The following DIXDC1 variants were observed in gnomAD, a reference collection of about 807,000 sequenced individuals.
DIXDC1 encodes DIX domain containing 1.
A neutral mutation model predicts 103.1 loss-of-function variants in DIXDC1; 64 were observed. The ratio of observed to expected loss-of-function variants is 0.62; its 90% confidence interval spans 0.51 to 0.76. The LOEUF (loss-of-function observed/expected upper bound fraction) is 0.76, where lower values mean the gene tolerates loss of function less well. Ranked by LOEUF, DIXDC1 falls within the 30% of genes least tolerant of loss-of-function variation. The pLI is 0.00. For synonymous variants in DIXDC1, 266 were observed against 298.5 expected (o/e 0.89, Z 1.12); for missense variants, 759 against 834.2 (o/e 0.91, Z 1.11).
chr11:112,010,377 C>T (rs1333796203), intron 17 of DIXDC1, among the ~76,000 whole-genome samples: 3 of 152,276 alleles, frequency 2.0e-5, no homozygotes, highest in South Asian at 2.1e-4. Context: ...GGCCACACTG[C>T]CCAAGGTAAT....
chr11:111,953,809 T>C (rs966419903), intron 1 of DIXDC1, among the ~76,000 whole-genome samples: 5 of 152,234 alleles, frequency 3.3e-5, no homozygotes, highest in African/African-American at 7.2e-5. Flanking sequence ...GGCTGTGTAC[T>C]GTAAGGCTAA....
At chr11:111,983,280 G>A (rs916709954) in intron 7 of DIXDC1, among the ~76,000 whole-genome samples, 3 of 152,330 alleles carry the variant, frequency 2.0e-5, no homozygotes, top group East Asian at 1.9e-4. Context: ...TCTGGCAGCC[G>A]GCAGGCGGTG....
At chr11:111,969,077 G>A (rs1046674918) in intron 3 of DIXDC1, among the ~76,000 whole-genome samples, 2 of 151,778 alleles carry the variant, frequency 1.3e-5, no homozygotes, top group African/African-American at 4.8e-5. Flanking sequence ...TTGTGCCCGG[G>A]CATTCATTTT....
At chr11:111,951,821 A>G (rs1213955287) in intron 1 of DIXDC1, among the ~76,000 whole-genome samples, 2 of 151,398 alleles carry the variant, frequency 1.3e-5, no homozygotes, top group Non-Finnish European at 2.9e-5. Context: ...GCCTTCTGCC[A>G]TGATTGTGAG....
rs1221666046 is a variant in DIXDC1 at position 111,966,397 on chromosome 11, A to ATTTTTTTTTTTTT, written c.190+1731_190+1743dup. On this transcript the variant is annotated intron_variant, in intron 2 of 19. Coordinates refer to ENST00000440460, the MANE Select transcript of DIXDC1 (RefSeq NM_001037954.4). The stretch of plus-strand genomic sequence containing the variant: ...ACCACCACGCCAAGCTAATTTTTGT[A>ATTTTTTTTTTTTT]TTTTTTTTTTTTTTTTTTTTTTTTG... 1.9e-4 allele frequency among the ~76,000 whole-genome samples: 11 copies of ATTTTTTTTTTTTT among 58,708 alleles called. 1 individual carries two copies. The highest frequency in any genetic ancestry group is 5.8e-4 in the African/African-American group (9 of 15,646). The allele number at this position is 58,708 out of a possible 152,430, so 38.5% of individuals were successfully genotyped here.
upstream of DIXDC1, among the ~76,000 whole-genome samples, chr11:111,936,120 AGT>A (rs1441571755): frequency 6.6e-6 from 1 of 152,230 alleles, no homozygotes; most frequent in Non-Finnish European, 1.5e-5. Context: ...GAAAATCATA[AGT>A]GTAGACTCCT....
In DIXDC1 at chr11:111,995,424, C is replaced by G. The variant is rs587602428; in HGVS notation, c.1549C>G (p.Arg517Gly). ...NRGTSDLQLV[R>G]DALRSLRNSF... The stretch of plus-strand genomic sequence containing the variant: ...ACAGACCAGCGACCTGCAGCTTGTT[C>G]GAGATGCTCTCCGCAGCCTGCGCAA... The change falls in exon 16 of 20, where the codon CGA (arginine) becomes GGA (glycine). Residue 517 changes from arginine (R) to glycine (G), a missense_variant. Transcript: ENST00000440460. The G allele has an allele frequency of 1.9e-6, 3 of 1,612,964 alleles. No individual in the cohort carries two copies. Among genetic ancestry groups the G allele is most frequent in the South Asian group, 1.1e-5 (1 of 91,034 alleles).
In DIXDC1 at chr11:111,997,665, T is replaced by A. The variant is rs181930043; in HGVS notation, c.1756+1519T>A. Among the ~76,000 whole-genome samples, 164 of 152,358 alleles carry A rather than the reference T, an allele frequency of 1.1e-3. 2 individuals carry two copies. Among genetic ancestry groups the A allele is most frequent in the Non-Finnish European group, 3.5e-4 (24 of 68,038 alleles). On this transcript the variant is annotated intron_variant, in intron 17 of 19. Transcript: ENST00000440460. The stretch of plus-strand genomic sequence containing the variant: ...ATTTTATTCATTGATTTCTTCAGAT[T>A]AGTGTAAACTGCCAATATAAATAGG...
intron 17 of DIXDC1, among the ~76,000 whole-genome samples, chr11:112,004,655 G>T (rs1411666726): frequency 6.6e-6 from 1 of 152,192 alleles, no homozygotes; most frequent in African/African-American, 2.4e-5. Flanking sequence ...TCTGAGGCAG[G>T]AAACAGCATA....
intron 2 of DIXDC1, among the ~76,000 whole-genome samples, chr11:111,931,469 C>A (rs1966014700): frequency 6.6e-6 from 1 of 151,998 alleles, no homozygotes; most frequent in African/African-American, 2.4e-5. Context: ...ATAGTGAAAC[C>A]CCATCTTTAC....
intron 17 of DIXDC1, among the ~76,000 whole-genome samples, chr11:112,007,996 GA>G (rs1389529792): frequency 6.6e-6 from 1 of 152,062 alleles, no homozygotes; most frequent in African/African-American, 2.4e-5. Context: ...ATGCCCCAAT[GA>G]AAAGTGACAG....
chr11:111,967,680 CCTTGGCTTCCCAAAGT>C (rs1859784078), intron 2 of DIXDC1, among the ~76,000 whole-genome samples: 1 of 152,228 alleles, frequency 6.6e-6, no homozygotes, highest in Non-Finnish European at 1.5e-5. Flanking sequence ...AATTCCCCTG[CCTTGGCTTCCCAAAGT>C]GCTAGGATTA....
chr11:111,974,290 T>G lies in DIXDC1; in HGVS notation c.548+36T>G, dbSNP rs781824280. Reference sequence around the variant, plus strand: ...AAATCTGGGGGTGGGAACTGATCCCTCTCTCTGATACTTCTTCTGTTAGAT... The same window carrying G: ...AAATCTGGGGGTGGGAACTGATCCCGCTCTCTGATACTTCTTCTGTTAGAT... On this transcript the variant is annotated intron_variant, in intron 4 of 19. Transcript: ENST00000440460. The G allele has an allele frequency of 4.5e-6, 7 of 1,566,238 alleles. No homozygotes were observed. The African/African-American group carries it at 9.5e-5, about 21-fold the overall frequency.
intron 1 of DIXDC1, among the ~76,000 whole-genome samples, chr11:111,952,631 AC>A (rs1353433492): frequency 1.3e-5 from 2 of 151,660 alleles, no homozygotes; most frequent in Non-Finnish European, 2.9e-5. Flanking sequence ...GACCAGCCTG[AC>A]CAACATGGTG....
intron 1 of DIXDC1, among the ~76,000 whole-genome samples, chr11:111,937,802 A>G (rs925159340): frequency 1.3e-5 from 2 of 152,228 alleles, no homozygotes; most frequent in Admixed American, 1.3e-4. Context: ...TGAGCCCAAG[A>G]GGACAGGACC....
rs1860451043 is a variant in DIXDC1, at chr11:111,985,296, C to T, written c.983C>T (p.Pro328Leu). ...EQERPLALCE[P>L]GVNPEEQLII... is the part of the protein sequence containing the mutation. ...GAGAGGCCCTTGGCCCTCTGTGAAC[C>T]AGGTGTCAATCCCGAGGAACAACTG... Residue 328 changes from proline (P) to leucine (L), a missense_variant, in exon 8 of 20, where the codon CCA becomes CTA. Pro to Leu is a moderately conservative substitution (Grantham distance 98). Transcript: ENST00000440460. The T allele has an allele frequency of 6.2e-7, 1 of 1,613,452 alleles. No homozygotes were observed. Among genetic ancestry groups the T allele is most frequent in the African/African-American group, 1.3e-5 (1 of 74,910 alleles).
Position 112,019,064 on chromosome 11 carries a change from G to A in DIXDC1, c.*28G>A. ...CCAAGTATCAGATTGAGGGCTTATGGAACCTGGTCACTCCCTGGCTGCTTC... is the reference window on the plus strand; with the variant it reads ...CCAAGTATCAGATTGAGGGCTTATGAAACCTGGTCACTCCCTGGCTGCTTC... On this transcript the variant is annotated 3_prime_UTR_variant, in exon 20 of 20. Coordinates refer to ENST00000440460, the MANE Select transcript of DIXDC1 (RefSeq NM_001037954.4). 1 of 1,591,926 alleles carries A rather than the reference G, an allele frequency of 6.3e-7. No individual in the cohort carries two copies. The highest frequency in any genetic ancestry group is 8.6e-7 in the Non-Finnish European group (1 of 1,161,240).
chr11:111,949,732 C>T (rs1413420184), intron 1 of DIXDC1, among the ~76,000 whole-genome samples: 2 of 152,166 alleles, frequency 1.3e-5, no homozygotes, highest in Non-Finnish European at 2.9e-5. Flanking sequence ...CACGCTACCC[C>T]CTCAACTGGC....
At chr11:111,933,136 GT>G (rs1161595360), upstream of DIXDC1, among the ~76,000 whole-genome samples, 1 of 151,088 alleles carries the variant, frequency 6.6e-6, no homozygotes, top group South Asian at 2.1e-4. Flanking sequence ...TTTTCTTTTG[GT>G]TTTTTTTTGA....
Sources: gnomAD v4.1 joint callset for allele counts (sites outside exome capture counted in the v4.1 genomes callset) on GRCh38, gnomAD v4.1.1 for gene constraint, MANE v1.5 for transcripts, NCBI Gene and HGNC (gene_info 2026-07-23, HGNC 2026-07-21) for gene names.